DICER1: variants seen among roughly 807,000 people sequenced by gnomAD.
DICER1 encodes the protein endoribonuclease Dicer.
DICER1 carries 43 observed loss-of-function variants against 194.1 expected under a neutral mutation model. The ratio of observed to expected loss-of-function variants is 0.22; its 90% CI spans 0.17 to 0.29. The LOEUF (loss-of-function observed/expected upper bound fraction) is 0.29, where lower values mean the gene tolerates loss of function less well. DICER1 is among the 10% of genes least tolerant of loss of function. The probability of loss-of-function intolerance (pLI) is 1.00; values close to 1 mark genes in which losing one functional copy is unlikely to be tolerated. For synonymous variants in DICER1, 832 were observed against 820.5 expected (o/e 1.01, Z -0.24); for missense variants, 1,608 against 2,317.0 (o/e 0.69, Z 6.28).
rs375465466 is a variant in DICER1, at chr14:95,095,893, C to G, written c.5027G>C (p.Arg1676Thr). 4 of 1,614,008 alleles carry G rather than the reference C, an allele frequency of 2.5e-6. No individual in the cohort carries two copies. Among genetic ancestry groups the G allele is most frequent in the Middle Eastern group, 1.6e-4 (1 of 6,082 alleles). Residue 1676 changes from arginine (R) to threonine (T), a missense_variant, in exon 23 of 27, where the codon AGA (arginine) becomes ACA (threonine). Physicochemically the swap from Arg to Thr is moderately conservative, Grantham distance 71 (BLOSUM62 -1). Around this residue, in one of 10 missense-constraint regions of DICER1, gnomAD observed 125 missense variants for 134.9 expected, o/e 0.93. Coordinates refer to ENST00000343455, the MANE Select transcript of DICER1 (RefSeq NM_177438.3). ...FENFEKKINYRFKNKAYLLQA... is the reference protein window; with the variant it reads ...FENFEKKINYTFKNKAYLLQA... ...GAGAAGGTAAGCCTTATTCTTGAATCTGTAGTTGATTTTCTTTTCAAAATT... is the reference window on the plus strand; with the variant it reads ...GAGAAGGTAAGCCTTATTCTTGAATGTGTAGTTGATTTTCTTTTCAAAATT...
chr14:95,106,263 A>T, intron 17 of DICER1, 40 bp from the exon 18 acceptor site: 1 of 1,460,832 alleles, frequency 6.8e-7, no homozygotes, highest in African/African-American at 1.4e-5. Context: ...TTGCTTTTTG[A>T]TTTAAATCAA....
At chr14:95,110,096 T>C (rs534982525) in intron 14 of DICER1, among the ~76,000 whole-genome samples, 14 of 152,306 alleles carry the variant, frequency 9.2e-5, no homozygotes, top group Non-Finnish European at 7.3e-5. Flanking sequence ...CACAGGCTAA[T>C]TGACATAAAT....
Position 95,096,426 on chromosome 14 carries a change from A to C in DICER1, c.4494T>G (p.Phe1498Leu), listed in dbSNP as rs779801642. The C allele has an allele frequency of 3.7e-6, 6 of 1,614,222 alleles. No individual in the cohort carries two copies. The highest frequency in any genetic ancestry group is 5.1e-6 in the Non-Finnish European group (6 of 1,180,034). The change falls in exon 23 of 27, where the codon TTT becomes TTG. Residue 1498 changes from phenylalanine to leucine, a missense_variant. Coordinates refer to ENST00000343455, the MANE Select transcript of DICER1 (RefSeq NM_177438.3). ...CCCAAGAGCTGTAGTCAAAATCCTCAAAATCTGATGAAAATGGCATACTAC... is the reference window on the plus strand; with the variant it reads ...CCCAAGAGCTGTAGTCAAAATCCTCCAAATCTGATGAAAATGGCATACTAC... ...SLGSMPFSSD[F>L]EDFDYSSWDA...
chr14:95,124,050 CA>C lies in DICER1; in HGVS notation c.1376+145del. On this transcript the variant is annotated intron_variant, in intron 8 of 26. Transcript: ENST00000343455. This position sits in a 1 kb window ranked among gnomAD's most constrained non-coding sequence, Gnocchi z 4.5. ...AACATCCTCTCTGTCAATCCCAGGA[CA>C]GCATGACGTATCAGCAATGATGGCG... The C allele has an allele frequency of 1.5e-6, 1 of 661,584 alleles. No individual in the cohort carries two copies. The highest frequency in any genetic ancestry group is 2.4e-5 in the Admixed American group (1 of 41,080). The allele number at this position is 661,584 out of a possible 1,614,324, so 41.0% of individuals were successfully genotyped here.
At chr14:95,126,031 C>A (rs73331522) in intron 7 of DICER1, among the ~76,000 whole-genome samples, 6 of 152,044 alleles carry the variant, frequency 3.9e-5, no homozygotes, top group African/African-American at 1.4e-4. Context: ...CAGTGGTTCT[C>A]GAGCTTTAAT....
intron 21 of DICER1, among the ~76,000 whole-genome samples, chr14:95,100,937 C>T (rs1392707935): frequency 2.0e-5 from 3 of 152,156 alleles, no homozygotes; most frequent in Non-Finnish European, 2.9e-5. Flanking sequence ...CTGCCTGAAA[C>T]GTAGCAGGCT....
rs373412959 is a variant in DICER1 at position 95,105,111 on chromosome 14, C to T, written c.3229G>A (p.Asp1077Asn). The change falls in exon 20 of 27, where the codon GAT (aspartate) becomes AAT (asparagine). Residue 1077 changes from aspartate to asparagine, a missense_variant. Physicochemically the swap from Asp to Asn is conservative, Grantham distance 23. Transcript: ENST00000343455. The surrounding 1 kb of genome is among the most constrained non-coding windows in gnomAD (Gnocchi z 4.9). ...AEELRAQTAS[D>N]AGVGVRSLPA... ...AGTGATCTGACTCCCACGCCAGCAT[C>T]GCTGGCAGTCTGGGCTCTTAGCTCC... 10 of 1,614,082 alleles carry T rather than the reference C, an allele frequency of 6.2e-6. No individual in the cohort carries two copies. Among genetic ancestry groups the T allele is most frequent in the Admixed American group, 1.7e-5 (1 of 60,006 alleles).
chr14:95,096,747 C>T (rs1409498041), intron 22 of DICER1, 34 bp from the exon 23 acceptor site: 1 of 1,565,108 alleles, frequency 6.4e-7, no homozygotes, highest in East Asian at 2.4e-5. Context: ...GGAGGGGAAA[C>T]ATAGCTGCTG....
intron 11 of DICER1, among the ~76,000 whole-genome samples, chr14:95,114,446 T>C (rs1021863172): frequency 6.6e-6 from 1 of 152,026 alleles, no homozygotes; most frequent in Non-Finnish European, 1.5e-5. Context: ...AATGATAATA[T>C]AAGAATGAAT....
intron 12 of DICER1, 94 bp downstream of exon 12, chr14:95,112,987 TTTTAAAATCAA>T (rs1566784571): frequency 7.8e-7 from 1 of 1,276,090 alleles, no homozygotes; most frequent in Non-Finnish European, 1.1e-6. Context: ...TGAAAGTAGA[TTTTAAAATCAA>T]ATTTACCTAT....
intron 1 of DICER1, among the ~76,000 whole-genome samples, chr14:95,138,755 G>A (rs938807086): frequency 7.0e-6 from 1 of 142,854 alleles, no homozygotes; most frequent in Non-Finnish European, 1.5e-5. Context: ...CTCATAGGTG[G>A]GAATTGAACA....
At chr14:95,141,985 T>C (rs1485881322) in intron 1 of DICER1, among the ~76,000 whole-genome samples, 1 of 152,202 alleles carries the variant, frequency 6.6e-6, no homozygotes. Flanking sequence ...GGCATTAAAT[T>C]ACCTTTTCCC....
intron 1 of DICER1, among the ~76,000 whole-genome samples, chr14:95,148,485 C>T (rs375144019): frequency 1.7e-4 from 26 of 152,286 alleles, no homozygotes; most frequent in East Asian, 1.5e-3. Flanking sequence ...ATCATAGTAC[C>T]TACAATTTAA....
Position 95,103,337 on chromosome 14 carries a change from A to T in DICER1, c.4050+9T>A. On this transcript the variant is annotated intron_variant, in intron 21 of 26. Transcript: ENST00000343455. ...ATTAACTGCTCAAAATAAAAAAATC[A>T]TCTCTTACCTTTTTGCTTCTCATAT... 6.2e-7 allele frequency: 1 copy of T among 1,613,748 alleles called. No homozygotes were observed. The highest frequency in any genetic ancestry group is 8.5e-7 in the Non-Finnish European group (1 of 1,179,650).
At position 95,105,687 on chromosome 14, in the gene DICER1, C is replaced by T. The variant is rs1595372521; in HGVS notation, c.3084G>A (p.Gln1028=). The T allele has an allele frequency of 6.2e-7, 1 of 1,609,346 alleles. No individual in the cohort carries two copies. Among genetic ancestry groups the T allele is most frequent in the Non-Finnish European group, 8.5e-7 (1 of 1,175,684 alleles). Residue 1028 remains glutamine (Q), a synonymous_variant, in exon 19 of 27, where the codon CAG becomes CAA. Transcript: ENST00000343455. This position sits in a 1 kb window ranked among gnomAD's most constrained non-coding sequence, Gnocchi z 4.9. ...ACAATTAACTCATTACCTGTTTATTCTGCAGACTTTCCCATTTGGCTTTCC... is the reference window on the plus strand; with the variant it reads ...ACAATTAACTCATTACCTGTTTATTTTGCAGACTTTCCCATTTGGCTTTCC... ...EKRKAKWESL[Q]NKQILVPELC...
At chr14:95,123,235 A>C (rs895105146) in intron 8 of DICER1, among the ~76,000 whole-genome samples, 1 of 152,234 alleles carries the variant, frequency 6.6e-6, no homozygotes, top group Non-Finnish European at 1.5e-5. Context: ...TTAGAAAAAA[A>C]ATCTTTCATT....
chr14:95,093,812 A>G, intron 24 of DICER1, 76 bp downstream of exon 24: 2 of 1,506,892 alleles, frequency 1.3e-6, no homozygotes, highest in Non-Finnish European at 1.8e-6. Context: ...TTAGACCACT[A>G]TGCCGTCAGA....
intron 7 of DICER1, among the ~76,000 whole-genome samples, chr14:95,125,242 G>T (rs1220589692): frequency 6.6e-6 from 1 of 151,832 alleles, no homozygotes; most frequent in Non-Finnish European, 1.5e-5. Flanking sequence ...CAGTAGGAAA[G>T]GCCTTTATTG....
intron 12 of DICER1, 117 bp downstream of exon 12, chr14:95,112,975 C>A: frequency 8.9e-7 from 1 of 1,119,066 alleles, no homozygotes; most frequent in South Asian, 1.3e-5. Flanking sequence ...GGCTCCTGCT[C>A]ATGAAAGTAG....
Sources: allele counts gnomAD v4.1 joint callset (sites outside exome capture counted in the v4.1 genomes callset), GRCh38; gene constraint gnomAD v4.1.1; regional missense constraint gnomAD v4.1.1; non-coding constraint Gnocchi (gnomAD v3.1); transcripts MANE v1.5; gene names NCBI Gene and HGNC (gene_info 2026-07-23, HGNC 2026-07-21).